ADAMTS9: variants seen among roughly 807,000 people sequenced by gnomAD.
ADAMTS9 encodes ADAM metallopeptidase with thrombospondin type 1 motif 9.
Under a neutral mutation model 257.1 loss-of-function variants are expected in ADAMTS9, and 107 were observed. That is an observed-to-expected ratio of 0.42 (90% CI 0.36 to 0.49). ADAMTS9 has a LOEUF of 0.49. Ranked by LOEUF, ADAMTS9 falls within the 20% of genes least tolerant of loss-of-function variation. ADAMTS9 has a pLI of 0.03. For missense variants in ADAMTS9, 2,353 were observed against 2,469.1 expected (o/e 0.95, Z 1.00); for synonymous variants, 982 against 880.9 (o/e 1.11, Z -2.03).
intron 10 of ADAMTS9, among the ~76,000 whole-genome samples, chr3:64,648,938 A>G (rs1468014108): frequency 1.3e-5 from 2 of 152,214 alleles, no homozygotes; most frequent in African/African-American, 4.8e-5. Flanking sequence ...TCCATGGAAT[A>G]CTATTGTACT....
intron 16 of ADAMTS9, among the ~76,000 whole-genome samples, chr3:64,630,197 A>T (rs9838262): frequency 2.0e-5 from 3 of 151,968 alleles, no homozygotes; most frequent in African/African-American, 7.2e-5. Context: ...TCTACTCTCC[A>T]TGTCCTCTTT....
chr3:64,588,033 T>C (rs2084191984), intron 28 of ADAMTS9: 1 of 152,140 alleles, frequency 6.6e-6, no homozygotes, highest in Non-Finnish European at 1.5e-5. Context: ...GGAATGGTGA[T>C]TGGAAGCATA....
intron 10 of ADAMTS9, 135 bp downstream of exon 10, chr3:64,649,502 G>C: frequency 1.0e-6 from 1 of 992,656 alleles, no homozygotes; most frequent in Non-Finnish European, 1.4e-6. Context: ...TAATTATTAT[G>C]ATCACTAATA....
At chr3:64,652,807 A>C (rs144459443) in intron 8 of ADAMTS9, among the ~76,000 whole-genome samples, 30 of 152,288 alleles carry the variant, frequency 2.0e-4, no homozygotes, top group African/African-American at 7.0e-4. Context: ...CAGGTTGAAC[A>C]TCCCTAATCT....
chr3:64,649,537 T>G, intron 10 of ADAMTS9, 100 bp downstream of exon 10: 1 of 1,378,834 alleles, frequency 7.3e-7, no homozygotes, highest in Non-Finnish European at 9.8e-7. Context: ...CAGCTTTTCC[T>G]TGGGTAGTTT....
intron 2 of ADAMTS9, 29 bp from the exon 3 acceptor site, chr3:64,681,392 T>A (rs1220536955): frequency 6.3e-7 from 1 of 1,590,178 alleles, no homozygotes; most frequent in Admixed American, 1.8e-5. Flanking sequence ...GGGAGGTTGA[T>A]TTAACGTAAC....
rs2083427437 is a variant in ADAMTS9 at position 64,561,748 on chromosome 3, A to G, written c.4528T>C (p.Ser1510Pro). ...TGTACGCCTCGGCCACAGGACACAG[A>G]GCACTAAGAAGACAGAGAACGTAAG... Reference protein sequence around the residue: ...KWKAGAWSQCSVSCGRGVQQR... With the variant: ...KWKAGAWSQCPVSCGRGVQQR... The change falls in exon 30 of 40, where the codon TCT becomes CCT. Residue 1510 changes from serine to proline, a missense_variant. Physicochemically the swap from Ser to Pro is moderately conservative, Grantham distance 74. This residue lies in a region of ADAMTS9 where 1,402 missense variants were observed against 1,441.4 expected (regional missense o/e 0.97). Coordinates refer to ENST00000498707, the MANE Select transcript of ADAMTS9 (RefSeq NM_182920.2). 6.5e-7 allele frequency: 1 copy of G among 1,538,860 alleles called. No homozygotes were observed. The highest frequency in any genetic ancestry group is 1.1e-5 in the South Asian group (1 of 89,564).
At position 64,537,707 on chromosome 3, in the gene ADAMTS9, A is replaced by C. The variant is rs114948896; in HGVS notation, c.5613+1496T>G. Reference sequence around the variant, plus strand: ...AACGCGTCACAGAATCCCAGTCTTCAGACTTTTGAAGGTTCACAGGCAAAG... The same window carrying C: ...AACGCGTCACAGAATCCCAGTCTTCCGACTTTTGAAGGTTCACAGGCAAAG... On this transcript the variant is annotated intron_variant, in intron 37 of 39. Coordinates refer to ENST00000498707, the MANE Select transcript of ADAMTS9 (RefSeq NM_182920.2). Among the ~76,000 whole-genome samples, 736 of 152,302 alleles carry C rather than the reference A, an allele frequency of 4.8e-3. 7 individuals are homozygous for C. Among genetic ancestry groups the C allele is most frequent in the African/African-American group, 0.017 (705 of 41,562 alleles).
chr3:64,545,870 A>G (rs903715209), intron 32 of ADAMTS9, among the ~76,000 whole-genome samples: 6 of 152,208 alleles, frequency 3.9e-5, no homozygotes, highest in African/African-American at 1.2e-4. Flanking sequence ...TGCTGGGATT[A>G]CAGGTGTGAG....
intron 3 of ADAMTS9, among the ~76,000 whole-genome samples, chr3:64,662,291 CT>C (rs1701242557): frequency 6.6e-6 from 1 of 152,096 alleles, no homozygotes; most frequent in Admixed American, 6.6e-5. Context: ...TACTTTTATC[CT>C]TTTAAACGTA....
At chr3:64,538,828 C>CTT (rs973059765) in intron 37 of ADAMTS9, among the ~76,000 whole-genome samples, 1 of 148,030 alleles carries the variant, frequency 6.8e-6, no homozygotes, top group Non-Finnish European at 1.5e-5. Context: ...AAAGCAGGAC[C>CTT]TTTTTTTTTT....
At chr3:64,533,057 G>A (rs2083003172) in intron 38 of ADAMTS9, 109 bp downstream of exon 38, 4 of 985,900 alleles carry the variant, frequency 4.1e-6, no homozygotes, top group Non-Finnish European at 6.1e-6. Flanking sequence ...AATGGCTTAA[G>A]TGGGAAAGCA....
chr3:64,638,961 T>C (rs573592538), intron 12 of ADAMTS9, among the ~76,000 whole-genome samples: 2 of 152,276 alleles, frequency 1.3e-5, no homozygotes, highest in African/African-American at 4.8e-5. Context: ...TTGTAAGGGC[T>C]CGTCGAACTG....
At chr3:64,523,938 T>C (rs1412068160) in intron 38 of ADAMTS9, among the ~76,000 whole-genome samples, 4 of 152,204 alleles carry the variant, frequency 2.6e-5, no homozygotes, top group Non-Finnish European at 5.9e-5. Context: ...AGCTTTTGCT[T>C]CAGAGTTGAT....
chr3:64,590,805 T>C (rs759655070), intron 28 of ADAMTS9, among the ~76,000 whole-genome samples: 6 of 152,138 alleles, frequency 3.9e-5, no homozygotes, highest in Non-Finnish European at 7.4e-5. Flanking sequence ...TCAGAGAACA[T>C]TTTTAGGTTT....
At chr3:64,600,533 A>C (rs958392621) in intron 26 of ADAMTS9, among the ~76,000 whole-genome samples, 3 of 152,226 alleles carry the variant, frequency 2.0e-5, no homozygotes, top group Non-Finnish European at 4.4e-5. Context: ...CACAGCACTA[A>C]AACACTTTCT....
At chr3:64,585,437 G>C (rs2084123217) in intron 28 of ADAMTS9, among the ~76,000 whole-genome samples, 1 of 152,140 alleles carries the variant, frequency 6.6e-6, no homozygotes, top group Admixed American at 6.6e-5. Context: ...GAATGAATAA[G>C]ACAGCTTTGC....
intron 3 of ADAMTS9, among the ~76,000 whole-genome samples, chr3:64,659,083 C>CT (rs1392445718): frequency 2.0e-5 from 3 of 152,166 alleles, no homozygotes; most frequent in Non-Finnish European, 4.4e-5. Context: ...TTAACAAAAG[C>CT]TTTGCTGGGA....
chr3:64,599,628 T>C (rs1285472740), intron 26 of ADAMTS9, among the ~76,000 whole-genome samples: 5 of 152,162 alleles, frequency 3.3e-5, no homozygotes, highest in African/African-American at 1.2e-4. Context: ...TTCCTGGGAA[T>C]TTGAATCCTC....
Sources: gnomAD v4.1 joint callset for allele counts (sites outside exome capture counted in the v4.1 genomes callset) on GRCh38, gnomAD v4.1.1 for gene constraint, gnomAD v4.1.1 regional missense constraint, MANE v1.5 for transcripts, NCBI Gene and HGNC (gene_info 2026-07-23, HGNC 2026-07-21) for gene names.